Variants in PRCD observed in about 807,000 individuals in gnomAD.
PRCD encodes photoreceptor disk component PRCD.
Under a neutral mutation model 10.1 loss-of-function variants are expected in PRCD, and 12 were observed. The ratio of observed to expected loss-of-function variants is 1.18; its 90% CI spans 0.76 to 1.92. The LOEUF is 1.92. Ranked by LOEUF, PRCD falls within the 40% of genes most tolerant of loss-of-function variation. The pLI, the probability that PRCD is intolerant of heterozygous loss-of-function variation, is 0.00. For synonymous variants in PRCD, 31 were observed against 26.2 expected (o/e 1.18, Z -0.56); for missense variants, 61 against 72.2 (o/e 0.84, Z 0.56).
downstream of PRCD, among the ~76,000 whole-genome samples, chr17:76,547,740 T>C (rs1567915494): frequency 1.5e-5 from 2 of 135,780 alleles, no homozygotes; most frequent in African/African-American, 2.8e-5. Flanking sequence ...CACACACACA[T>C]ACACAAACAC....
At position 76,531,143 on chromosome 17, in the gene PRCD, C is replaced by A. The variant is rs1350859970; in HGVS notation, n.45+3310C>A. 1 of 1,612,264 alleles carries A rather than the reference C, an allele frequency of 6.2e-7. No homozygotes were observed. Among genetic ancestry groups the A allele is most frequent in the South Asian group, 1.1e-5 (1 of 91,012 alleles). On this transcript the variant is annotated intron_variant and non_coding_transcript_variant, in intron 1 of 4. Transcript: ENST00000397633. The surrounding 1 kb of genome is among the most constrained non-coding windows in gnomAD (Gnocchi z 7.4). ...CCTCCAGAATGACCCCAGAGAGGAT[C>A]TGGGGGCAAAGGGAGGAAGGGGGAG...
At chr17:76,542,753 G>A in intron 3 of PRCD, 120 bp downstream of exon 3, 1 of 714,576 alleles carries the variant, frequency 1.4e-6, no homozygotes, top group Non-Finnish European at 2.5e-6. Context: ...TGCCACTGAT[G>A]GAGGTTCAAA....
upstream of PRCD, chr17:76,538,323 G>A (rs2074946946): frequency 1.3e-5 from 4 of 308,064 alleles, no homozygotes; most frequent in South Asian, 9.2e-5. Flanking sequence ...GCTCTGGGGG[G>A]TTAGCACGGG....
intron 1 of PRCD, among the ~76,000 whole-genome samples, chr17:76,534,606 T>C (rs1375739559): frequency 6.6e-6 from 1 of 152,360 alleles, no homozygotes; most frequent in East Asian, 1.9e-4. Flanking sequence ...TCTCCTGAGG[T>C]AGGCACTGTT....
At chr17:76,535,052 GGT>G (rs999713240), upstream of PRCD, among the ~76,000 whole-genome samples, 13 of 152,362 alleles carry the variant, frequency 8.5e-5, no homozygotes, top group Admixed American at 8.5e-4. Context: ...TGAGGAGGAA[GGT>G]GTCAGAGTTA....
chr17:76,541,678 T>C (rs2074994692), intron 2 of PRCD, among the ~76,000 whole-genome samples: 1 of 152,160 alleles, frequency 6.6e-6, no homozygotes, highest in African/African-American at 2.4e-5. Context: ...TAGTGCCTAA[T>C]TGATATCACT....
chr17:76,544,048 C>T lies in PRCD; in HGVS notation c.*398C>T, dbSNP rs1185008878. ...AGTCCCGGCGGCTGCCTCCTTTGCC[C>T]CCAGCTGCTCTGCCATTTCTCTCTT... On this transcript the variant is annotated 3_prime_UTR_variant, in exon 5 of 5. Transcript: ENST00000592014. The T allele has an allele frequency of 2.2e-5, 10 of 454,714 alleles. No individual in the cohort carries two copies. The East Asian group carries it at 6.9e-4, about 32-fold the overall frequency. The allele number at this position is 454,714 out of a possible 1,614,324, so 28.2% of individuals were successfully genotyped here.
rs1015127303 is a variant in PRCD at position 76,531,395 on chromosome 17, C to T, written n.45+3562C>T. The T allele has an allele frequency of 6.4e-7, 1 of 1,552,894 alleles. No individual in the cohort carries two copies. The highest frequency in any genetic ancestry group is 1.2e-5 in the South Asian group (1 of 85,392). On this transcript the variant is annotated intron_variant and non_coding_transcript_variant, in intron 1 of 4. Transcript: ENST00000397633. The surrounding 1 kb of genome is among the most constrained non-coding windows in gnomAD (Gnocchi z 7.4). ...TTGCTCCAGAGAGCCGTCGCAGAGC[C>T]TGCGAGCTGCAGATGGCCATGACGC...
rs768956881 is a variant in PRCD at position 76,531,417 on chromosome 17, A to G, written n.45+3584A>G. On this transcript the variant is annotated intron_variant and non_coding_transcript_variant, in intron 1 of 4. Transcript: ENST00000397633. This position sits in a 1 kb window ranked among gnomAD's most constrained non-coding sequence, Gnocchi z 7.4. ...AGCCTGCGAGCTGCAGATGGCCATG[A>G]CGCGTGGGCGGTGGGGGCTCTGCAG... 3.8e-6 allele frequency: 6 copies of G among 1,579,990 alleles called. No individual in the cohort carries two copies. In the African/African-American group the frequency reaches 6.7e-5, roughly 18 times the overall value.
Position 76,528,569 on chromosome 17 carries a change from T to G in PRCD, n.45+736T>G, listed in dbSNP as rs4238995. The G allele has an allele frequency of 0.45, 574,459 of 1,270,558 alleles. 133,177 individuals are homozygous for G. The highest frequency in any genetic ancestry group is 0.67 in the East Asian group (21,775 of 32,626). 78.7% of individuals were successfully genotyped at this position (1,270,558 alleles called of 1,614,324 possible). On this transcript the variant is annotated intron_variant and non_coding_transcript_variant, in intron 1 of 4. Transcript: ENST00000397633. This position sits in a 1 kb window ranked among gnomAD's most constrained non-coding sequence, Gnocchi z 5.8. ...GGTGCTGCCAGGGAGGGGGGTGGAG[T>G]TAGGGGTCCTACGGCCCCGAAGAGG...
At chr17:76,535,522 C>A (rs1376546335), upstream of PRCD, among the ~76,000 whole-genome samples, 1 of 152,102 alleles carries the variant, frequency 6.6e-6, no homozygotes. Context: ...GTGGCTGAGA[C>A]AAAGCTGGGC....
chr17:76,536,103 A>G (rs2074910636), upstream of PRCD, among the ~76,000 whole-genome samples: 1 of 152,106 alleles, frequency 6.6e-6, no homozygotes, highest in Non-Finnish European at 1.5e-5. Flanking sequence ...TAGTATCCCA[A>G]TGTCCCTCTT....
chr17:76,536,889 C>T (rs2074920302), upstream of PRCD, among the ~76,000 whole-genome samples: 1 of 152,184 alleles, frequency 6.6e-6, no homozygotes, highest in African/African-American at 2.4e-5. Context: ...ACTGGACCCC[C>T]CGGGCTCTCC....
rs1020713425 is a variant in PRCD, at chr17:76,528,458, A to G, written n.45+625A>G. ...GCCGCCACAGAGGCCTCCTTCGGGGAAGTTGAGTCAGGGATTCCTCCAGCT... is the reference window on the plus strand; with the variant it reads ...GCCGCCACAGAGGCCTCCTTCGGGGGAGTTGAGTCAGGGATTCCTCCAGCT... On this transcript the variant is annotated intron_variant and non_coding_transcript_variant, in intron 1 of 4. Coordinates refer to the PRCD transcript ENST00000397633. The surrounding 1 kb of genome is among the most constrained non-coding windows in gnomAD (Gnocchi z 5.8). 2.1e-6 allele frequency: 2 copies of G among 971,030 alleles called. No individual in the cohort carries two copies. The highest frequency in any genetic ancestry group is 3.4e-5 in the African/African-American group (2 of 59,028). The allele number at this position is 971,030 out of a possible 1,614,324, so 60.2% of individuals were successfully genotyped here. A position where few individuals can be genotyped will look rare whatever the true frequency, so the allele number is the denominator to read the frequency against.
At chr17:76,535,180 A>T (rs780771784), upstream of PRCD, among the ~76,000 whole-genome samples, 1 of 152,154 alleles carries the variant, frequency 6.6e-6, no homozygotes, top group Non-Finnish European at 1.5e-5. Flanking sequence ...CAATGTGGCA[A>T]CTTCTCCAGG....
intron 4 of PRCD, among the ~76,000 whole-genome samples, 192 bp from the exon 5 acceptor site, chr17:76,543,611 C>T (rs145042171): frequency 5.9e-5 from 9 of 152,318 alleles, no homozygotes; most frequent in East Asian, 1.9e-4. Context: ...GCAGAGCCCA[C>T]GCTCCTACCC....
chr17:76,532,267 C>A (rs575019625), intron 1 of PRCD, among the ~76,000 whole-genome samples: 1 of 152,340 alleles, frequency 6.6e-6, no homozygotes, highest in South Asian at 2.1e-4. Context: ...TCATCCCTGT[C>A]CTGGCTCAGC....
At chr17:76,538,253 C>T (rs895675816), upstream of PRCD, 2 of 189,532 alleles carry the variant, frequency 1.1e-5, no homozygotes, top group Non-Finnish European at 2.2e-5. Context: ...GGCCTCTCCC[C>T]GCGCCCCCGA....
At position 76,528,192 on chromosome 17, in the gene PRCD, T is replaced by C. The variant is rs901510093; in HGVS notation, n.45+359T>C. Reference sequence around the variant, plus strand: ...TATATCTGTATATATGGTAGATGTGTGCGTGATACTCTAGATGGTGATGTG... The same window carrying C: ...TATATCTGTATATATGGTAGATGTGCGCGTGATACTCTAGATGGTGATGTG... On this transcript the variant is annotated intron_variant and non_coding_transcript_variant, in intron 1 of 4. Transcript: ENST00000397633. This position sits in a 1 kb window ranked among gnomAD's most constrained non-coding sequence, Gnocchi z 5.8. The C allele has an allele frequency of 7.5e-6, 3 of 397,710 alleles. No homozygotes were observed. Among genetic ancestry groups the C allele is most frequent in the Non-Finnish European group, 1.3e-5 (3 of 226,298 alleles). The allele number at this position is 397,710 out of a possible 1,614,324, so 24.6% of individuals were successfully genotyped here. A position where few individuals can be genotyped will look rare whatever the true frequency, so the allele number is the denominator to read the frequency against.
Sources: gnomAD v4.1 joint callset for allele counts (sites outside exome capture counted in the v4.1 genomes callset) on GRCh38, gnomAD v4.1.1 for gene constraint, Gnocchi (gnomAD v3.1) non-coding constraint, MANE v1.5 for transcripts, NCBI Gene and HGNC (gene_info 2026-07-23, HGNC 2026-07-21) for gene names.